HDGFL3: variants seen among roughly 807,000 people sequenced by gnomAD.
The protein encoded by HDGFL3 is hepatoma-derived growth factor-related protein 3.
In HDGFL3, 6 loss-of-function variants were observed where a neutral mutation model predicts 27.6. The ratio of observed to expected loss-of-function variants is 0.22; its 90% CI spans 0.12 to 0.43. HDGFL3 has a LOEUF of 0.43. Among genes scored for constraint, HDGFL3 ranks in the 20% least tolerant of loss-of-function variants. HDGFL3 has a pLI of 1.00. For synonymous variants in HDGFL3, 88 were observed against 88.9 expected, an observed-to-expected ratio of 0.99 and a Z score of 0.05; for missense variants, 207 against 250.1, an observed-to-expected ratio of 0.83 and a Z score of 1.16.
chr15:83,197,687 A>G (rs926571005), intron 1 of HDGFL3, among the ~76,000 whole-genome samples: 2 of 152,160 alleles, frequency 1.3e-5, no homozygotes, highest in African/African-American at 4.8e-5. Context: ...CACAGCCTCA[A>G]TATCATCAGC....
intron 1 of HDGFL3, among the ~76,000 whole-genome samples, chr15:83,191,619 A>G (rs1002651619): frequency 3.3e-5 from 5 of 152,196 alleles, no homozygotes; most frequent in Non-Finnish European, 5.9e-5. Flanking sequence ...GGAATCTAAC[A>G]TGTTATAAAC....
chr15:83,203,043 A>T (rs1215849501), intron 1 of HDGFL3, among the ~76,000 whole-genome samples: 2 of 152,106 alleles, frequency 1.3e-5, no homozygotes, highest in Non-Finnish European at 2.9e-5. Flanking sequence ...CTAGGTCACA[A>T]GGTAAGCATA....
chr15:83,127,657 AACTATATGG>A (rs1462118932), downstream of HDGFL3: 2 of 611,398 alleles, frequency 3.3e-6, no homozygotes, highest in African/African-American at 1.9e-5. Flanking sequence ...ATCTCACAAT[AACTATATGG>A]TAGATGTGCC....
intron 2 of HDGFL3, among the ~76,000 whole-genome samples, chr15:83,162,441 A>G (rs1290781332): frequency 6.6e-6 from 1 of 152,198 alleles, no homozygotes; most frequent in Non-Finnish European, 1.5e-5. Flanking sequence ...TGGGTTCTAA[A>G]AAAATCAAAC....
chr15:83,152,288 G>A (rs1038233576), intron 4 of HDGFL3, among the ~76,000 whole-genome samples: 19 of 152,326 alleles, frequency 1.2e-4, no homozygotes, highest in African/African-American at 4.3e-4. Flanking sequence ...AGGCATGGTG[G>A]CTCACGCCTG....
At chr15:83,161,714 C>A (rs771824093) in intron 2 of HDGFL3, among the ~76,000 whole-genome samples, 18 of 152,110 alleles carry the variant, frequency 1.2e-4, no homozygotes, top group Non-Finnish European at 2.4e-4. Context: ...ATGAACTGTT[C>A]TAAAACAAGT....
chr15:83,187,300 C>T (rs936614776), intron 1 of HDGFL3, among the ~76,000 whole-genome samples: 1 of 151,816 alleles, frequency 6.6e-6, no homozygotes, highest in African/African-American at 2.4e-5. Flanking sequence ...TGTTCATATA[C>T]ATAATCATAT....
At chr15:83,122,073 C>G (rs1596497292) in intron 3 of HDGFL3, 3 of 1,225,330 alleles carry the variant, frequency 2.4e-6, no homozygotes, top group Middle Eastern at 1.9e-4. Flanking sequence ...AATAGAGAAG[C>G]TCTTTTAGTT....
downstream of HDGFL3, chr15:83,122,934 A>G (rs1056942441): frequency 1.3e-6 from 2 of 1,598,014 alleles, no homozygotes; most frequent in Non-Finnish European, 1.7e-6. Flanking sequence ...GTTCTTTCGC[A>G]TCCACTGGCC....
rs369835839 is a variant in HDGFL3 at position 83,180,148 on chromosome 15, G to A, written c.85-16073C>T. ...AAAATAGGGAAGACCAAAGTGTCCT[G>A]ATTGACTCCGGATCTGACGATGCCC... On this transcript the variant is annotated intron_variant, in intron 1 of 5. Transcript: ENST00000299633. Among the ~76,000 whole-genome samples the A allele has an allele frequency of 3.7e-3, 557 of 152,198 alleles. 3 individuals are homozygous for A. The highest frequency in any genetic ancestry group is 0.011 in the African/African-American group (477 of 41,534).
chr15:83,132,470 AGGTGC>A lies in HDGFL3; in HGVS notation c.*6795_*6799del, dbSNP rs2036318672. ...AGACTCTCTAACTCCCTGGCTATGT[AGGTGC>A]TATGTCATGTCTTTTTCTCACAAAG... On this transcript the variant is annotated 3_prime_UTR_variant, in exon 6 of 6. Transcript: ENST00000299633. The A allele has an allele frequency of 6.6e-6, 1 of 152,156 alleles. No homozygotes were observed. The highest frequency in any genetic ancestry group is 2.1e-4 in the South Asian group (1 of 4,836). The allele number at this position is 152,156 out of a possible 1,614,324, so 9.4% of individuals were successfully genotyped here.
At chr15:83,112,769 G>T in exon 4 of HDGFL3, 2 of 1,526,152 alleles carry the variant, frequency 1.3e-6, no homozygotes, top group Non-Finnish European at 1.8e-6. Context: ...TTTTGATAGT[G>T]ACCACCTCCC....
At position 83,157,909 on chromosome 15, in the gene HDGFL3, G is replaced by A. The variant is rs771651743; in HGVS notation, c.294C>T (p.Gly98=). Residue 98 remains glycine (G), a synonymous_variant, in exon 3 of 6, where the codon GGC becomes GGT. Coordinates refer to ENST00000299633, the MANE Select transcript of HDGFL3 (RefSeq NM_016073.4). Reference sequence around the variant, plus strand: ...CAAGGAAGTAAACCATTACCTGGTAGCCAGTAAACTTTACTCCTGGGTTAT... The same window carrying A: ...CAAGGAAGTAAACCATTACCTGGTAACCAGTAAACTTTACTCCTGGGTTAT... ...IENNPGVKFT[G]YQAIQQQSSS... The A allele has an allele frequency of 6.2e-7, 1 of 1,610,760 alleles. No homozygotes were observed. Among genetic ancestry groups the A allele is most frequent in the African/African-American group, 1.3e-5 (1 of 74,822 alleles).
chr15:83,121,993 A>C lies in HDGFL3; in HGVS notation c.394-6252T>G, dbSNP rs150827850. ...TGAGTGTTGTTGTTTTTGTGCCAGG[A>C]AACATTGTAGGTAAGAAACTTTATC... On this transcript the variant is annotated intron_variant, in intron 3 of 3. Coordinates refer to the HDGFL3 transcript ENST00000568294. 4.3e-6 allele frequency: 7 copies of C among 1,610,894 alleles called. No individual in the cohort carries two copies. The South Asian group carries it at 7.8e-5, about 18-fold the overall frequency.
At chr15:83,153,328 C>G (rs1449199043) in intron 4 of HDGFL3, among the ~76,000 whole-genome samples, 1 of 152,008 alleles carries the variant, frequency 6.6e-6, no homozygotes, top group African/African-American at 2.4e-5. Context: ...CCTGGCAGTT[C>G]TCATAATAAT....
intron 1 of HDGFL3, among the ~76,000 whole-genome samples, chr15:83,194,276 T>A (rs761921354): frequency 7.2e-5 from 11 of 152,164 alleles, no homozygotes; most frequent in Non-Finnish European, 1.5e-4. Flanking sequence ...CTCAAGGATA[T>A]TATGCTAAGT....
At chr15:83,186,849 A>G (rs960796610) in intron 1 of HDGFL3, among the ~76,000 whole-genome samples, 30 of 152,326 alleles carry the variant, frequency 2.0e-4, no homozygotes, top group African/African-American at 7.2e-4. Context: ...CCATGTAACC[A>G]ACAACCACTT....
At position 83,157,579 on chromosome 15, in the gene HDGFL3, A is replaced by T; in HGVS notation, c.301-6T>A. On this transcript the variant is annotated splice_polypyrimidine_tract_variant and splice_region_variant and intron_variant, in intron 3 of 5. Transcript: ENST00000299633. ...GAGCTCTGTTGCTGAATTGCCTAAGAAATAATAAAATATTAGCTGATTACA... is the reference window on the plus strand; with the variant it reads ...GAGCTCTGTTGCTGAATTGCCTAAGTAATAATAAAATATTAGCTGATTACA... 2 of 1,606,052 alleles carry T rather than the reference A, an allele frequency of 1.2e-6. No homozygotes were observed. Among genetic ancestry groups the T allele is most frequent in the Non-Finnish European group, 1.7e-6 (2 of 1,176,422 alleles).
chr15:83,117,307 T>C (rs1302659987), intron 3 of HDGFL3, among the ~76,000 whole-genome samples: 1 of 152,124 alleles, frequency 6.6e-6, no homozygotes, highest in East Asian at 1.9e-4. Flanking sequence ...GAGTTTCAGA[T>C]GCTGGCAGGG....
Sources: allele counts gnomAD v4.1 joint callset (sites outside exome capture counted in the v4.1 genomes callset), GRCh38; gene constraint gnomAD v4.1.1; transcripts MANE v1.5; gene names NCBI Gene and HGNC (gene_info 2026-07-23, HGNC 2026-07-21).